TOX4: variants seen among roughly 807,000 people sequenced by gnomAD.
TOX4 encodes epidermal Langerhans cell protein LCP1.
TOX4 carries 12 observed loss-of-function variants against 61.0 expected under a neutral mutation model. That is an observed-to-expected ratio of 0.20 (90% CI 0.13 to 0.32). The LOEUF is 0.32. Ranked by LOEUF, TOX4 falls within the 10% of genes least tolerant of loss-of-function variation. The pLI is 1.00. For missense variants in TOX4, 499 were observed against 753.3 expected (o/e 0.66, Z 3.95); for synonymous variants, 268 against 274.8 (o/e 0.98, Z 0.24).
Position 21,498,157 on chromosome 14 carries a change from G to GTTTA in TOX4, c.*1556_*1559dup. The GTTTA allele has an allele frequency of 1.4e-6, 1 of 731,122 alleles. No homozygotes were observed. Among genetic ancestry groups the GTTTA allele is most frequent in the Non-Finnish European group, 2.3e-6 (1 of 428,184 alleles). 45.3% of individuals were successfully genotyped at this position (731,122 alleles called of 1,614,324 possible). ...TCAGAATCCCAACTACAATACAAAT[G>GTTTA]TTTATTTAAATAAAGAAGAAAGCTA... On this transcript the variant is annotated 3_prime_UTR_variant, in exon 9 of 9. Coordinates refer to ENST00000448790, the MANE Select transcript of TOX4 (RefSeq NM_014828.4).
At chr14:21,496,488 T>C in intron 8 of TOX4, 58 bp from the exon 9 acceptor site, 3 of 1,507,312 alleles carry the variant, frequency 2.0e-6, no homozygotes, top group African/African-American at 1.4e-5. Context: ...GTATCTAGGC[T>C]GTAATTCTAT....
rs1233385998 is a variant in TOX4 at position 21,497,510 on chromosome 14, GTGTGTTTTTTGTTTTTTTTTTTT to G, written c.*906_*928del. 5.2e-4 allele frequency: 13 copies of G among 25,102 alleles called. No individual in the cohort carries two copies. The highest frequency in any genetic ancestry group is 2.9e-4 in the African/African-American group (2 of 6,846). 1.6% of individuals were successfully genotyped at this position (25,102 alleles called of 1,614,324 possible). On this transcript the variant is annotated 3_prime_UTR_variant, in exon 9 of 9. Coordinates refer to ENST00000448790, the MANE Select transcript of TOX4 (RefSeq NM_014828.4). Reference sequence around the variant, plus strand: ...TTTATCCTATGCATTCCTGTTTTCTGTGTGTTTTTTGTTTTTTTTTTTTTTTTTTTTTTTTGAGACAGAGTCTC... The same window carrying G: ...TTTATCCTATGCATTCCTGTTTTCTGTTTTTTTTTTTTGAGACAGAGTCTC...
intron 4 of TOX4, 41 bp from the exon 5 acceptor site, chr14:21,489,132 C>T: frequency 1.9e-6 from 3 of 1,582,020 alleles, no homozygotes; most frequent in Non-Finnish European, 2.6e-6. Flanking sequence ...TAATACTTGT[C>T]ATTGTCCATT....
rs762331472 is a variant in TOX4, at chr14:21,499,086, G to A, written c.*2480G>A. 1 of 1,614,190 alleles carries A rather than the reference G, an allele frequency of 6.2e-7. No homozygotes were observed. The highest frequency in any genetic ancestry group is 1.1e-5 in the South Asian group (1 of 91,082). On this transcript the variant is annotated 3_prime_UTR_variant, in exon 9 of 9. Coordinates refer to ENST00000448790, the MANE Select transcript of TOX4 (RefSeq NM_014828.4). The stretch of plus-strand genomic sequence containing the variant: ...TCAATCTTGCGAGTGCCAGGAGATA[G>A]TCTTTCAATCATGCCATAGATTTCA...
chr14:21,495,781 A>G (rs890439285), intron 8 of TOX4: 1 of 153,810 alleles, frequency 6.5e-6, no homozygotes, highest in African/African-American at 2.4e-5. Context: ...TGTGAAGGAA[A>G]TGGGGAGATG....
intron 5 of TOX4, among the ~76,000 whole-genome samples, chr14:21,491,827 C>T (rs995772223): frequency 4.7e-5 from 7 of 150,360 alleles, no homozygotes; most frequent in African/African-American, 1.5e-4. Context: ...CTGGCTAACA[C>T]AGCGAAACCC....
In TOX4 at chr14:21,497,621, G is replaced by A. The variant is rs974330957; in HGVS notation, c.*1015G>A. 10 of 147,896 alleles carry A rather than the reference G, an allele frequency of 6.8e-5. No individual in the cohort carries two copies. The highest frequency in any genetic ancestry group is 4.2e-4 in the Admixed American group (6 of 14,308). The allele number at this position is 147,896 out of a possible 1,614,324, so 9.2% of individuals were successfully genotyped here. On this transcript the variant is annotated 3_prime_UTR_variant, in exon 9 of 9. Coordinates refer to ENST00000448790, the MANE Select transcript of TOX4 (RefSeq NM_014828.4). Reference sequence around the variant, plus strand: ...CAGCTCACTGAAACCTCTGCCTCCCGGGTTCAAGCGATTCTCCTGCATCAG... The same window carrying A: ...CAGCTCACTGAAACCTCTGCCTCCCAGGTTCAAGCGATTCTCCTGCATCAG...
chr14:21,489,554 C>G, intron 5 of TOX4, 151 bp downstream of exon 5: 1 of 737,922 alleles, frequency 1.4e-6, no homozygotes, highest in Non-Finnish European at 2.2e-6. Flanking sequence ...GAAGTTGCAG[C>G]CATACACTCA....
intron 2 of TOX4, among the ~76,000 whole-genome samples, chr14:21,484,035 G>A (rs998852335): frequency 6.6e-6 from 1 of 152,062 alleles, no homozygotes; most frequent in Non-Finnish European, 1.5e-5. Context: ...CCGAACTCCC[G>A]ACTTTTCAAG....
chr14:21,490,630 C>CT (rs1891271266), intron 5 of TOX4, among the ~76,000 whole-genome samples: 1 of 152,168 alleles, frequency 6.6e-6, no homozygotes, highest in Non-Finnish European at 1.5e-5. Flanking sequence ...AATCCAGGTT[C>CT]TTTAACTCTT....
intron 2 of TOX4, among the ~76,000 whole-genome samples, chr14:21,480,266 CTTTGTT>C (rs1197763675): frequency 6.6e-6 from 1 of 152,020 alleles, no homozygotes; most frequent in Non-Finnish European, 1.5e-5. Flanking sequence ...TGAATCTGTC[CTTTGTT>C]TTTGTTTTTG....
chr14:21,478,205 TGG>T (rs1412377961), intron 2 of TOX4, among the ~76,000 whole-genome samples: 1 of 152,260 alleles, frequency 6.6e-6, no homozygotes, highest in Non-Finnish European at 1.5e-5. Context: ...CCCGGAGTGC[TGG>T]GATTACAGGC....
At chr14:21,477,640 G>C (rs947647864) in intron 2 of TOX4, 76 bp downstream of exon 2, 1 of 1,508,592 alleles carries the variant, frequency 6.6e-7, no homozygotes, top group African/African-American at 1.4e-5. Context: ...AGGAGAGCAC[G>C]GACTCCGGGG....
intron 2 of TOX4, among the ~76,000 whole-genome samples, chr14:21,484,230 A>C (rs1891157925): frequency 6.7e-6 from 1 of 148,678 alleles, no homozygotes; most frequent in Non-Finnish European, 1.5e-5. Flanking sequence ...TTTGTCTTTT[A>C]GGAAACTTTT....
chr14:21,494,523 G>A (rs913925600), intron 7 of TOX4, among the ~76,000 whole-genome samples: 13 of 152,074 alleles, frequency 8.5e-5, no homozygotes, highest in South Asian at 2.1e-4. Flanking sequence ...CGAGGTGGGC[G>A]GATCACGAGG....
In TOX4 at chr14:21,492,277, TA is replaced by T; in HGVS notation, c.811-16del. Reference sequence around the variant, plus strand: ...GTATGGGGAGTTTTGTTTTTTTTTTTAAAGTCTCTTTTTTGCAGGTATATAA... The same window carrying T: ...GTATGGGGAGTTTTGTTTTTTTTTTTAAGTCTCTTTTTTGCAGGTATATAA... On this transcript the variant is annotated intron_variant, in intron 5 of 8. Transcript: ENST00000448790. 2 of 1,588,086 alleles carry T rather than the reference TA, an allele frequency of 1.3e-6. No individual in the cohort carries two copies. Among genetic ancestry groups the T allele is most frequent in the South Asian group, 1.2e-5 (1 of 86,216 alleles).
Position 21,477,768 on chromosome 14 carries a change from G to A in TOX4, c.75+204G>A, listed in dbSNP as rs963332488. Among the ~76,000 whole-genome samples the A allele has an allele frequency of 2.6e-5, 4 of 152,182 alleles. No homozygotes were observed. The East Asian group carries it at 5.8e-4, about 22-fold the overall frequency. On this transcript the variant is annotated intron_variant, in intron 2 of 8. Coordinates refer to ENST00000448790, the MANE Select transcript of TOX4 (RefSeq NM_014828.4). ...GAAGTTGCTGTCATCAGAAAGCAAG[G>A]TATTGGAAAGAGATAACCTGTTTAA...
intron 3 of TOX4, chr14:21,488,003 G>T (rs1207947572): frequency 9.6e-6 from 2 of 209,044 alleles, no homozygotes; most frequent in Non-Finnish European, 1.9e-5. Flanking sequence ...TGTGATAGCT[G>T]GCACACGGAG....
intron 2 of TOX4, among the ~76,000 whole-genome samples, chr14:21,478,082 G>C (rs991211325): frequency 6.6e-6 from 1 of 152,106 alleles, no homozygotes; most frequent in Non-Finnish European, 1.5e-5. Flanking sequence ...GATTACAGGC[G>C]TGCGCCACCA....
Sources: gnomAD v4.1 joint callset for allele counts (sites outside exome capture counted in the v4.1 genomes callset) on GRCh38, gnomAD v4.1.1 for gene constraint, MANE v1.5 for transcripts, NCBI Gene and HGNC (gene_info 2026-07-23, HGNC 2026-07-21) for gene names.